TTLL7: variants seen among roughly 807,000 people sequenced by gnomAD.
TTLL7 encodes tubulin tyrosine ligase like 7.
In TTLL7, 53 loss-of-function variants were observed where a neutral mutation model predicts 120.2. The observed-to-expected ratio is 0.44, with a 90% confidence interval of 0.35 to 0.55. TTLL7 has a LOEUF of 0.55. Among genes scored for constraint, TTLL7 ranks in the 20% least tolerant of loss-of-function variants. The pLI, the probability that TTLL7 is intolerant of heterozygous loss-of-function variation, is 0.00. For missense variants in TTLL7, 803 were observed against 1,054.7 expected (o/e 0.76, Z 3.31); for synonymous variants, 353 against 351.7 (o/e 1.00, Z -0.04).
In TTLL7 at chr1:83,901,699, G is replaced by A. The variant is rs115257110; in HGVS notation, c.2208+2380C>T. Among the ~76,000 whole-genome samples the A allele has an allele frequency of 7.2e-3, 1,099 of 151,934 alleles. 20 individuals carry two copies. Among genetic ancestry groups the A allele is most frequent in the African/African-American group, 0.025 (1,050 of 41,458 alleles). ...CACCCTCCTCAACAGTGTACTCTAC[G>A]TGGCACATGGCAGGACACTAAGCAA... On this transcript the variant is annotated intron_variant, in intron 18 of 20. Transcript: ENST00000260505.
chr1:83,989,030 T>G (rs898003426), intron 1 of TTLL7, among the ~76,000 whole-genome samples: 1 of 152,130 alleles, frequency 6.6e-6, no homozygotes. Context: ...TTTAATGGTG[T>G]TGTTTTTTGT....
In TTLL7 at chr1:83,948,712, T is replaced by G; in HGVS notation, c.280-17A>C. The G allele has an allele frequency of 7.2e-6, 11 of 1,534,312 alleles. No homozygotes were observed. The highest frequency in any genetic ancestry group is 9.9e-6 in the Non-Finnish European group (11 of 1,109,462). On this transcript the variant is annotated splice_polypyrimidine_tract_variant and intron_variant, in intron 4 of 20. Transcript: ENST00000260505. ...GTTGATCCTCTGGAAAATAAAAAGG[T>G]AAATATTAATATTCTCAGCGAATTA...
At chr1:83,948,786 T>C in intron 4 of TTLL7, 91 bp from the exon 5 acceptor site, 1 of 850,136 alleles carries the variant, frequency 1.2e-6, no homozygotes, top group Non-Finnish European at 1.8e-6. Context: ...CTTTGAGTTT[T>C]ATGTTTTAAT....
chr1:83,928,791 A>G (rs1300361394), intron 10 of TTLL7, among the ~76,000 whole-genome samples: 1 of 152,030 alleles, frequency 6.6e-6, no homozygotes, highest in Non-Finnish European at 1.5e-5. Flanking sequence ...TACCAATTTA[A>G]TCTTGTACTC....
At chr1:83,892,556 GAACATATGAACATATATA>G (rs1655710290) in intron 18 of TTLL7, among the ~76,000 whole-genome samples, 1 of 47,398 alleles carries the variant, frequency 2.1e-5, no homozygotes, top group Admixed American at 2.4e-4. Context: ...ACATATATAT[GAACATATGAACATATATA>G]TGAACATATA....
At chr1:83,938,551 C>A (rs188276979) in intron 7 of TTLL7, among the ~76,000 whole-genome samples, 2 of 152,196 alleles carry the variant, frequency 1.3e-5, no homozygotes, top group Non-Finnish European at 2.9e-5. Flanking sequence ...CCCTTTAGCT[C>A]GGTACCACAG....
In TTLL7 at chr1:83,907,462, A is replaced by C; in HGVS notation, c.1986T>G (p.Ser662=). Residue 662 remains serine (S), a synonymous_variant, in exon 16 of 21, where the codon TCT becomes TCG. Coordinates refer to ENST00000260505, the MANE Select transcript of TTLL7 (RefSeq NM_024686.6). ...PHSNDACSTN[S]QVSESLRQLK... ...AGCAAAACAGATGACCTACCACTTG[A>C]GAGTTGGTAGAGCAGGCATCATTAC... is the stretch of plus-strand genomic sequence containing the variant. The C allele has an allele frequency of 6.2e-7, 1 of 1,612,042 alleles. No homozygotes were observed. The highest frequency in any genetic ancestry group is 2.2e-5 in the East Asian group (1 of 44,832).
intron 9 of TTLL7, among the ~76,000 whole-genome samples, chr1:83,932,566 C>T (rs545865388): frequency 1.6e-5 from 2 of 123,708 alleles, no homozygotes; most frequent in Non-Finnish European, 2.0e-5. Flanking sequence ...CACATAGGCG[C>T]GCGCACACAC....
chr1:83,912,994 C>G (rs1228498635), intron 14 of TTLL7: 1 of 152,140 alleles, frequency 6.6e-6, no homozygotes, highest in African/African-American at 2.4e-5. Flanking sequence ...TAGCAAACAG[C>G]TTTAAGTGTT....
chr1:83,890,193 C>G (rs1249259173), intron 19 of TTLL7, 128 bp downstream of exon 19: 5 of 928,488 alleles, frequency 5.4e-6, no homozygotes, highest in Non-Finnish European at 6.4e-6. Flanking sequence ...TAGTTGAGTA[C>G]TAAACATTAC....
chr1:83,986,453 A>T (rs575512826), intron 1 of TTLL7, among the ~76,000 whole-genome samples: 1 of 152,196 alleles, frequency 6.6e-6, no homozygotes, highest in Non-Finnish European at 1.5e-5. Flanking sequence ...CATACTAAGG[A>T]CAGAGAGAAA....
chr1:83,972,976 T>G (rs1651130410), intron 1 of TTLL7, among the ~76,000 whole-genome samples: 1 of 152,122 alleles, frequency 6.6e-6, no homozygotes, highest in African/African-American at 2.4e-5. Context: ...AATAGTCCTT[T>G]GTCAGATGTG....
At chr1:83,962,952 G>A (rs539145510) in intron 1 of TTLL7, among the ~76,000 whole-genome samples, 1 of 152,060 alleles carries the variant, frequency 6.6e-6, no homozygotes, top group Non-Finnish European at 1.5e-5. Context: ...AATGGACAAC[G>A]CTTCTCTAAT....
intron 1 of TTLL7, among the ~76,000 whole-genome samples, chr1:83,983,173 A>C (rs1421827043): frequency 6.6e-6 from 1 of 152,062 alleles, no homozygotes; most frequent in Non-Finnish European, 1.5e-5. Context: ...CTCTACTAAA[A>C]ATACAAAACG....
chr1:83,926,848 A>T (rs1659179598), intron 10 of TTLL7, among the ~76,000 whole-genome samples: 1 of 152,198 alleles, frequency 6.6e-6, no homozygotes, highest in Non-Finnish European at 1.5e-5. Flanking sequence ...GTAATAGAAT[A>T]CTTATGGAGG....
Position 83,942,550 on chromosome 1 carries a change from C to A in TTLL7, c.636G>T (p.Ser212=), listed in dbSNP as rs764286113. The change falls in exon 7 of 21, where the codon TCG becomes TCT. Residue 212 remains serine, a synonymous_variant. Transcript: ENST00000260505. ...AGAGAAATATTTTTAGTGGATCACA[C>A]GATGTAACCAGAATATAAATTCGTA... ...FDLRIYILVT[S]CDPLKIFLYH... is the part of the protein sequence containing the mutation. 6.2e-7 allele frequency: 1 copy of A among 1,613,836 alleles called. No homozygotes were observed. The highest frequency in any genetic ancestry group is 8.5e-7 in the Non-Finnish European group (1 of 1,179,904).
At chr1:83,943,448 T>C (rs560389575) in intron 6 of TTLL7, among the ~76,000 whole-genome samples, 35 of 152,258 alleles carry the variant, frequency 2.3e-4, no homozygotes, top group African/African-American at 8.2e-4. Context: ...AGTTGTAAAT[T>C]ATTTGTTTGC....
At chr1:83,890,528 G>C (rs1403985723) in intron 18 of TTLL7, 47 bp from the exon 19 acceptor site, 1 of 1,499,314 alleles carries the variant, frequency 6.7e-7, no homozygotes, top group Non-Finnish European at 9.1e-7. Flanking sequence ...GTATATCTGT[G>C]TCTAAAATTC....
At chr1:83,940,403 T>A (rs530161812) in intron 7 of TTLL7, among the ~76,000 whole-genome samples, 1 of 152,296 alleles carries the variant, frequency 6.6e-6, no homozygotes, top group Non-Finnish European at 1.5e-5. Context: ...TCTTCTGAAC[T>A]TCAAACTTAT....
Sources: gnomAD v4.1 joint callset for allele counts (sites outside exome capture counted in the v4.1 genomes callset) on GRCh38, gnomAD v4.1.1 for gene constraint, MANE v1.5 for transcripts, NCBI Gene and HGNC (gene_info 2026-07-23, HGNC 2026-07-21) for gene names.